SNN: variants seen among roughly 807,000 people sequenced by gnomAD.
The protein encoded by SNN is stannin, also known as AG8_1.
SNN carries 5 observed loss-of-function variants against 5.3 expected under a neutral mutation model. That is an observed-to-expected ratio of 0.94 (90% CI 0.49 to 1.97). The LOEUF (loss-of-function observed/expected upper bound fraction) is 1.97, where lower values mean the gene tolerates loss of function less well. SNN is among the 30% of genes most tolerant of loss of function. The pLI, the probability that SNN is intolerant of heterozygous loss-of-function variation, is 0.01. For synonymous variants in SNN, 67 were observed against 52.1 expected (o/e 1.29, Z -1.24); for missense variants, 127 against 121.6 (o/e 1.04, Z -0.21).
At chr16:11,670,607 G>A (rs767121603) in intron 1 of SNN, among the ~76,000 whole-genome samples, 1 of 152,190 alleles carries the variant, frequency 6.6e-6, no homozygotes, top group Non-Finnish European at 1.5e-5. Flanking sequence ...TCCTCCCCAC[G>A]ACCTGGTAGA....
chr16:11,676,432 C>T lies in SNN; in HGVS notation c.*106C>T. ...GTCTGAGAGGAAGGGCTGACACTTG[C>T]TGGCATGGCCTCTGCGGGCTTCGTC... On this transcript the variant is annotated 3_prime_UTR_variant, in exon 2 of 2. Coordinates refer to ENST00000329565, the MANE Select transcript of SNN (RefSeq NM_003498.6). The T allele has an allele frequency of 7.4e-7, 1 of 1,344,902 alleles. No homozygotes were observed. The highest frequency in any genetic ancestry group is 1.0e-6 in the Non-Finnish European group (1 of 988,334). 83.3% of individuals were successfully genotyped at this position (1,344,902 alleles called of 1,614,324 possible). A position where few individuals can be genotyped will look rare whatever the true frequency, so the allele number is the denominator to read the frequency against.
intron 1 of SNN, among the ~76,000 whole-genome samples, chr16:11,669,533 A>T (rs1490220738): frequency 1.3e-5 from 2 of 152,248 alleles, no homozygotes; most frequent in African/African-American, 4.8e-5. Flanking sequence ...TCTCTGAGCC[A>T]CCAATTTCTG....
rs2050316122 is a variant in SNN at position 11,677,618 on chromosome 16, G to C, written c.*1292G>C. The C allele has an allele frequency of 6.0e-6, 1 of 165,456 alleles. No homozygotes were observed. Among genetic ancestry groups the C allele is most frequent in the Non-Finnish European group, 1.5e-5 (1 of 68,140 alleles). The allele number at this position is 165,456 out of a possible 1,614,324, so 10.2% of individuals were successfully genotyped here. A position where few individuals can be genotyped will look rare whatever the true frequency, so the allele number is the denominator to read the frequency against. Reference sequence around the variant, plus strand: ...ACAGGTGGTGAGCTGGTGGCTCTCTGGTGAGCTAGTGTCTCCACAGCCTGT... The same window carrying C: ...ACAGGTGGTGAGCTGGTGGCTCTCTCGTGAGCTAGTGTCTCCACAGCCTGT... On this transcript the variant is annotated 3_prime_UTR_variant, in exon 2 of 2. Transcript: ENST00000329565. This position sits in a 1 kb window ranked among gnomAD's most constrained non-coding sequence, Gnocchi z 4.2.
Position 11,676,311 on chromosome 16 carries a change from G to T in SNN, c.252G>T (p.Pro84=). 6.2e-7 allele frequency: 1 copy of T among 1,613,248 alleles called. No homozygotes were observed. The change falls in exon 2 of 2, where the codon CCG becomes CCT. Residue 84 remains proline, a synonymous_variant. Coordinates refer to ENST00000329565, the MANE Select transcript of SNN (RefSeq NM_003498.6). ...RKAKLMTPNG[P]EVHG is the part of the protein sequence containing the mutation. ...CCAAGCTGATGACTCCCAACGGCCC[G>T]GAAGTCCACGGCTGAGCCAGGATGC...
At chr16:11,673,929 G>A (rs2050282048) in intron 1 of SNN, among the ~76,000 whole-genome samples, 1 of 152,214 alleles carries the variant, frequency 6.6e-6, no homozygotes, top group South Asian at 2.1e-4. Flanking sequence ...GCAGTGGAAT[G>A]GAGGGAGGGC....
chr16:11,677,627 GTGTCTCCACAGCC>G lies in SNN; in HGVS notation c.*1310_*1322del, dbSNP rs2050316325. The G allele has an allele frequency of 6.0e-6, 1 of 166,964 alleles. No individual in the cohort carries two copies. Among genetic ancestry groups the G allele is most frequent in the Admixed American group, 6.5e-5 (1 of 15,286 alleles). 10.3% of individuals were successfully genotyped at this position (166,964 alleles called of 1,614,324 possible). A position where few individuals can be genotyped will look rare whatever the true frequency, so the allele number is the denominator to read the frequency against. Reference sequence around the variant, plus strand: ...GAGCTGGTGGCTCTCTGGTGAGCTAGTGTCTCCACAGCCTGTCTCCAAGGCCTCCCCTATGTAC... The same window carrying G: ...GAGCTGGTGGCTCTCTGGTGAGCTAGTGTCTCCAAGGCCTCCCCTATGTAC... On this transcript the variant is annotated 3_prime_UTR_variant, in exon 2 of 2. Transcript: ENST00000329565. The surrounding 1 kb of genome is among the most constrained non-coding windows in gnomAD (Gnocchi z 4.2).
chr16:11,671,758 G>A lies in SNN; in HGVS notation c.-86+3218G>A, dbSNP rs8191288. Among the ~76,000 whole-genome samples the A allele has an allele frequency of 0.52, 79,492 of 151,926 alleles. 21,097 individuals are homozygous for A. Among genetic ancestry groups the A allele is most frequent in the Middle Eastern group, 0.62 (181 of 294 alleles). On this transcript the variant is annotated intron_variant, in intron 1 of 1. Transcript: ENST00000329565. The surrounding 1 kb of genome is among the most constrained non-coding windows in gnomAD (Gnocchi z 4.7). Reference sequence around the variant, plus strand: ...TACCCAGCTTGCAAGACACAGCTTTGCTCAGAGGGGCTAGAAAGGAAGAAC... The same window carrying A: ...TACCCAGCTTGCAAGACACAGCTTTACTCAGAGGGGCTAGAAAGGAAGAAC...
In SNN at chr16:11,668,715, G is replaced by C. The variant is rs2050244980; in HGVS notation, c.-86+175G>C. Among the ~76,000 whole-genome samples, 1 of 148,580 alleles carries C rather than the reference G, an allele frequency of 6.7e-6. No homozygotes were observed. The highest frequency in any genetic ancestry group is 1.5e-5 in the Non-Finnish European group (1 of 66,572). On this transcript the variant is annotated intron_variant, in intron 1 of 1. Transcript: ENST00000329565. The surrounding 1 kb of genome is among the most constrained non-coding windows in gnomAD (Gnocchi z 6.8). Reference sequence around the variant, plus strand: ...GCGGCTCGGGGGAGGGTCCGTTCCAGGGGCCGCGCCCGCGGGCTGGGGTTC... The same window carrying C: ...GCGGCTCGGGGGAGGGTCCGTTCCACGGGCCGCGCCCGCGGGCTGGGGTTC...
intron 1 of SNN, among the ~76,000 whole-genome samples, chr16:11,674,257 G>A (rs8191307): frequency 0.062 from 9,380 of 152,026 alleles, 426 homozygotes; most frequent in East Asian, 0.18. Context: ...TGTAGAACGC[G>A]TCTCGGGCCT....
At position 11,668,650 on chromosome 16, in the gene SNN, G is replaced by A. The variant is rs1381883272; in HGVS notation, c.-86+110G>A. ...AGGGGCGCGCGCGGCGGCGGGGCCG[G>A]GCCGGGGTCTGCGGGCGGGGGAGGG... On this transcript the variant is annotated intron_variant, in intron 1 of 1. Transcript: ENST00000329565. The surrounding 1 kb of genome is among the most constrained non-coding windows in gnomAD (Gnocchi z 6.8). 1 of 146,262 alleles carries A rather than the reference G, an allele frequency of 6.8e-6. No homozygotes were observed. The highest frequency in any genetic ancestry group is 1.5e-5 in the Non-Finnish European group (1 of 65,396). The allele number at this position is 146,262 out of a possible 1,614,324, so 9.1% of individuals were successfully genotyped here.
chr16:11,670,457 C>T (rs1195899550), intron 1 of SNN, among the ~76,000 whole-genome samples: 10 of 152,142 alleles, frequency 6.6e-5, no homozygotes, highest in Non-Finnish European at 1.5e-4. Flanking sequence ...CCCTTCTGGC[C>T]CTGGGGGTGG....
intron 1 of SNN, among the ~76,000 whole-genome samples, chr16:11,670,590 C>G (rs1183951797): frequency 6.6e-6 from 1 of 152,210 alleles, no homozygotes; most frequent in African/African-American, 2.4e-5. Flanking sequence ...TTTCTTACCA[C>G]TTCTCATCCT....
intron 1 of SNN, among the ~76,000 whole-genome samples, chr16:11,674,142 A>C (rs1033363255): frequency 6.6e-6 from 1 of 152,202 alleles, no homozygotes; most frequent in East Asian, 1.9e-4. Context: ...ATTTGGAGGG[A>C]AAACCTCCTT....
At position 11,678,849 on chromosome 16, in the gene SNN, A is replaced by C. The variant is rs948181669; in HGVS notation, c.*2523A>C. On this transcript the variant is annotated 3_prime_UTR_variant, in exon 2 of 2. Transcript: ENST00000329565. ...TTTTGAATGCCCAACTGTTGCATTC[A>C]AGTTTTCTGACTAATAAGAAATTAA... is the stretch of plus-strand genomic sequence containing the variant. The C allele has an allele frequency of 1.1e-5, 3 of 264,248 alleles. No homozygotes were observed. The highest frequency in any genetic ancestry group is 7.0e-5 in the African/African-American group (3 of 42,740). 16.4% of individuals were successfully genotyped at this position (264,248 alleles called of 1,614,324 possible).
chr16:11,670,805 G>C (rs1461930662), intron 1 of SNN, among the ~76,000 whole-genome samples: 1 of 152,216 alleles, frequency 6.6e-6, no homozygotes. Context: ...CCTCTGGAGT[G>C]GGATCAGGCT....
At position 11,675,931 on chromosome 16, in the gene SNN, G is replaced by A. The variant is rs1243489237; in HGVS notation, c.-85-44G>A. 156 of 958,676 alleles carry A rather than the reference G, an allele frequency of 1.6e-4. 4 individuals are homozygous for A. In the South Asian group the frequency reaches 2.3e-3, roughly 14 times the overall value. 59.4% of individuals were successfully genotyped at this position (958,676 alleles called of 1,614,324 possible). A position where few individuals can be genotyped will look rare whatever the true frequency, so the allele number is the denominator to read the frequency against. The stretch of plus-strand genomic sequence containing the variant: ...CTGAGAACGATTAAAAATAGACCCC[G>A]TGGAAGTGCTAACCGCAGCTCGTCA... On this transcript the variant is annotated intron_variant, in intron 1 of 1. Transcript: ENST00000329565.
chr16:11,669,240 G>GCACCGCGCCTGC (rs1555478080), intron 1 of SNN, among the ~76,000 whole-genome samples: 2 of 152,174 alleles, frequency 1.3e-5, no homozygotes, highest in East Asian at 3.9e-4. Flanking sequence ...AGCGCGCCTG[G>GCACCGCGCCTGC]CACCGCGCCT....
chr16:11,676,056 G>A lies in SNN; in HGVS notation c.-4G>A. 6.3e-7 allele frequency: 1 copy of A among 1,592,834 alleles called. No individual in the cohort carries two copies. Among genetic ancestry groups the A allele is most frequent in the South Asian group, 1.1e-5 (1 of 88,308 alleles). ...GCCAGCCGAGGAAGCCCCCAGCACTGACCATGTCTATTATGGACCACAGCC... is the reference window on the plus strand; with the variant it reads ...GCCAGCCGAGGAAGCCCCCAGCACTAACCATGTCTATTATGGACCACAGCC... On this transcript the variant is annotated 5_prime_UTR_variant, in exon 2 of 2. Coordinates refer to ENST00000329565, the MANE Select transcript of SNN (RefSeq NM_003498.6).
rs934678576 is a variant in SNN at position 11,672,077 on chromosome 16, AC to A, written c.-86+3544del. On this transcript the variant is annotated intron_variant, in intron 1 of 1. Coordinates refer to ENST00000329565, the MANE Select transcript of SNN (RefSeq NM_003498.6). The surrounding 1 kb of genome is among the most constrained non-coding windows in gnomAD (Gnocchi z 6.0). ...TCTGGGAGTGCCCTGAGTGTCAGGG[AC>A]CCCCCCACCTATGATCCCCCTGAGA... Among the ~76,000 whole-genome samples the A allele has an allele frequency of 1.4e-5, 2 of 147,804 alleles. No individual in the cohort carries two copies. Among genetic ancestry groups the A allele is most frequent in the African/African-American group, 4.9e-5 (2 of 40,656 alleles).
Sources: allele counts gnomAD v4.1 joint callset (sites outside exome capture counted in the v4.1 genomes callset), GRCh38; gene constraint gnomAD v4.1.1; non-coding constraint Gnocchi (gnomAD v3.1); transcripts MANE v1.5; gene names NCBI Gene and HGNC (gene_info 2026-07-23, HGNC 2026-07-21).